Variants in GABRB2 observed in about 807,000 individuals in gnomAD.
GABRB2 encodes gamma-aminobutyric acid type A receptor subunit beta2, also known as gamma-aminobutyric acid receptor subunit beta-2.
A neutral mutation model predicts 54.7 loss-of-function variants in GABRB2; 16 were observed. That is an observed-to-expected ratio of 0.29 (90% CI 0.20 to 0.44). GABRB2 has a LOEUF of 0.44. Among genes scored for constraint, GABRB2 ranks in the 20% least tolerant of loss-of-function variants. The probability of loss-of-function intolerance (pLI) is 1.00; values close to 1 mark genes in which losing one functional copy is unlikely to be tolerated. For missense variants in GABRB2, 355 were observed against 644.0 expected, an observed-to-expected ratio of 0.55 and a Z score of 4.86; for synonymous variants, 244 against 233.8, an observed-to-expected ratio of 1.04 and a Z score of -0.40.
chr5:161,495,181 G>A (rs1759195855), intron 3 of GABRB2, among the ~76,000 whole-genome samples: 2 of 151,712 alleles, frequency 1.3e-5, no homozygotes, highest in African/African-American at 4.8e-5. Context: ...ATTTCTATAT[G>A]GTAAATGTCA....
chr5:161,326,300 A>C, intron 9 of GABRB2, 68 bp downstream of exon 9: 1 of 1,590,314 alleles, frequency 6.3e-7, no homozygotes. Flanking sequence ...ACATTTTTTA[A>C]GGGAACAGCT....
chr5:161,365,816 C>A (rs1274060921), intron 5 of GABRB2, among the ~76,000 whole-genome samples: 2 of 152,050 alleles, frequency 1.3e-5, no homozygotes, highest in Admixed American at 1.3e-4. Flanking sequence ...GCACAGGAGC[C>A]TCTTAGACAG....
chr5:161,474,067 G>C (rs528627253), intron 3 of GABRB2, among the ~76,000 whole-genome samples: 3 of 152,104 alleles, frequency 2.0e-5, no homozygotes, highest in African/African-American at 7.2e-5. Flanking sequence ...TATGAAGAAA[G>C]TCCCAAGCCC....
At chr5:161,403,072 C>G (rs1756249378) in intron 5 of GABRB2, among the ~76,000 whole-genome samples, 1 of 152,132 alleles carries the variant, frequency 6.6e-6, no homozygotes, top group Non-Finnish European at 1.5e-5. Context: ...ATCTGCCAGA[C>G]TGGTTCTCTT....
intron 5 of GABRB2, among the ~76,000 whole-genome samples, chr5:161,395,709 T>C (rs1214303099): frequency 1.3e-5 from 2 of 152,052 alleles, no homozygotes; most frequent in Non-Finnish European, 2.9e-5. Flanking sequence ...AAATATACTG[T>C]AGGCAAAGAG....
chr5:161,545,684 T>G lies in GABRB2; in HGVS notation c.170-390A>C, dbSNP rs567812375. ...CCCTTCTGTGCACAGGTTTTAACTC[T>G]TTGAGCTTCATAAGAGTCTGAAGCA... On this transcript the variant is annotated intron_variant, in intron 2 of 9. Transcript: ENST00000393959. Among the ~76,000 whole-genome samples the G allele has an allele frequency of 7.9e-5, 12 of 152,080 alleles. No individual in the cohort carries two copies. The East Asian group carries it at 1.9e-3, about 25-fold the overall frequency.
chr5:161,295,194 C>T (rs910047654), intron 9 of GABRB2, among the ~76,000 whole-genome samples: 17 of 152,194 alleles, frequency 1.1e-4, no homozygotes, highest in Non-Finnish European at 2.9e-5. Context: ...GAGGAAGCAA[C>T]AAGCCTGCAG....
At chr5:161,500,769 T>C (rs1480025374) in intron 3 of GABRB2, among the ~76,000 whole-genome samples, 1 of 152,210 alleles carries the variant, frequency 6.6e-6, no homozygotes, top group Non-Finnish European at 1.5e-5. Context: ...TAACAGGCAA[T>C]GTCAAAATTT....
rs56952727 is a variant in GABRB2, at chr5:161,545,437, T to TA, written c.170-144dup. The TA allele has an allele frequency of 0.33, 105,483 of 321,436 alleles. 14,942 individuals carry two copies. The highest frequency in any genetic ancestry group is 0.34 in the Non-Finnish European group (61,688 of 180,438). The allele number at this position is 321,436 out of a possible 1,614,324, so 19.9% of individuals were successfully genotyped here. A position where few individuals can be genotyped will look rare whatever the true frequency, so the allele number is the denominator to read the frequency against. ...TTTTTCAATTCTCTGCTTTTTTTGT[T>TA]AAAAAAAAAAAAAAAAAAGGTAGCA... On this transcript the variant is annotated intron_variant, in intron 2 of 9. Transcript: ENST00000393959.
chr5:161,386,286 C>T (rs2113492857), intron 5 of GABRB2, among the ~76,000 whole-genome samples: 1 of 152,196 alleles, frequency 6.6e-6, no homozygotes, highest in South Asian at 2.1e-4. Context: ...AGAACCACTT[C>T]AATAATTTTC....
chr5:161,294,520 T>C, intron 9 of GABRB2, 92 bp from the exon 10 acceptor site: 1 of 1,071,812 alleles, frequency 9.3e-7, no homozygotes, highest in Non-Finnish European at 1.4e-6. Context: ...CTTAAGGGAT[T>C]TATAGGAGTG....
chr5:161,413,274 T>C (rs1756573843), intron 4 of GABRB2, among the ~76,000 whole-genome samples: 1 of 152,148 alleles, frequency 6.6e-6, no homozygotes, highest in Admixed American at 6.5e-5. Flanking sequence ...ATTTCTCTTT[T>C]TTTAATTTAA....
At position 161,362,603 on chromosome 5, in the gene GABRB2, T is replaced by C. The variant is rs190864901; in HGVS notation, c.542-25834A>G. ...CAGAGTGAACAGGCAACCTACAGAA[T>C]GGGAGAAAATTTTCGCAATCTATCC... On this transcript the variant is annotated intron_variant, in intron 5 of 9. Transcript: ENST00000393959. 3.7e-3 allele frequency among the ~76,000 whole-genome samples: 563 copies of C among 152,166 alleles called. 2 individuals are homozygous for C. Among genetic ancestry groups the C allele is most frequent in the Non-Finnish European group, 6.3e-3 (428 of 67,988 alleles).
intron 3 of GABRB2, among the ~76,000 whole-genome samples, chr5:161,499,790 G>C (rs1339763786): frequency 1.3e-5 from 2 of 152,166 alleles, no homozygotes; most frequent in African/African-American, 2.4e-5. Flanking sequence ...GGCAGTGGTG[G>C]CAGGGGGCAG....
chr5:161,421,687 C>T lies in GABRB2; in HGVS notation c.459-10630G>A, dbSNP rs1756858163. Among the ~76,000 whole-genome samples, 2 of 151,902 alleles carry T rather than the reference C, an allele frequency of 1.3e-5. 1 individual carries two copies. The highest frequency in any genetic ancestry group is 4.2e-4 in the South Asian group (2 of 4,810). ...CAGACCCCTCAATCCACTATGGGGC[C>T]CAGAAAATAGCAATTAAACAAATAC... is the stretch of plus-strand genomic sequence containing the variant. On this transcript the variant is annotated intron_variant, in intron 4 of 9. Coordinates refer to ENST00000393959, the MANE Select transcript of GABRB2 (RefSeq NM_001371727.1).
intron 5 of GABRB2, among the ~76,000 whole-genome samples, chr5:161,399,719 C>G (rs1398220197): frequency 2.6e-5 from 4 of 152,150 alleles, no homozygotes; most frequent in Non-Finnish European, 4.4e-5. Flanking sequence ...TCAACTAAAC[C>G]TTAATCAATA....
chr5:161,306,054 G>T (rs373731918), intron 9 of GABRB2, among the ~76,000 whole-genome samples: 3 of 152,208 alleles, frequency 2.0e-5, no homozygotes, highest in Non-Finnish European at 2.9e-5. Flanking sequence ...CTGACTTAAA[G>T]GTTGTCATCC....
intron 3 of GABRB2, among the ~76,000 whole-genome samples, chr5:161,541,600 A>G (rs765443694): frequency 6.6e-6 from 1 of 152,250 alleles, no homozygotes; most frequent in African/African-American, 2.4e-5. Flanking sequence ...TTATGAAGAC[A>G]GCTTGTTTCC....
intron 3 of GABRB2, among the ~76,000 whole-genome samples, chr5:161,489,508 G>A (rs116229349): frequency 1.1e-3 from 168 of 151,746 alleles, no homozygotes; most frequent in Non-Finnish European, 1.8e-3. Flanking sequence ...AGGTCACACT[G>A]GTAGGAAATG....
Sources: allele counts gnomAD v4.1 joint callset (sites outside exome capture counted in the v4.1 genomes callset), GRCh38; gene constraint gnomAD v4.1.1; transcripts MANE v1.5; gene names NCBI Gene and HGNC (gene_info 2026-07-23, HGNC 2026-07-21).